Variants in RBFOX1 observed in about 807,000 individuals in gnomAD.
RBFOX1 encodes RNA binding fox-1 homolog 1, also known as RNA binding protein fox-1 homolog 1.
Under a neutral mutation model 57.7 loss-of-function variants are expected in RBFOX1, and 8 were observed. That is an observed-to-expected ratio of 0.14 (90% CI 0.08 to 0.25). RBFOX1 has a LOEUF of 0.25. Among genes scored for constraint, RBFOX1 ranks in the 10% least tolerant of loss-of-function variants. The probability of loss-of-function intolerance (pLI) is 1.00; values close to 1 mark genes in which losing one functional copy is unlikely to be tolerated. For synonymous variants in RBFOX1, 326 were observed against 222.4 expected (o/e 1.47, Z -4.15); for missense variants, 611 against 548.5 (o/e 1.11, Z -1.14).
chr16:6,434,000 A>G (rs994035646), intron 2 of RBFOX1, among the ~76,000 whole-genome samples: 1 of 151,550 alleles, frequency 6.6e-6, no homozygotes, highest in African/African-American at 2.4e-5. Context: ...GGCATGCACC[A>G]CCAAACCTGG....
chr16:7,586,885 G>A (rs1339194057), intron 6 of RBFOX1, among the ~76,000 whole-genome samples: 1 of 152,138 alleles, frequency 6.6e-6, no homozygotes, highest in East Asian at 1.9e-4. Context: ...TTTCATCAAG[G>A]GTGTTTCTCC....
intron 2 of RBFOX1, among the ~76,000 whole-genome samples, chr16:6,514,247 G>GCA (rs1199584955): frequency 6.6e-6 from 1 of 152,120 alleles, no homozygotes; most frequent in Non-Finnish European, 1.5e-5. Context: ...GCCATTTGTA[G>GCA]CACACACACG....
chr16:6,359,049 A>G lies in RBFOX1; in HGVS notation c.-64+41992A>G, dbSNP rs192766482. 3.4e-3 allele frequency among the ~76,000 whole-genome samples: 519 copies of G among 152,088 alleles called. 22 individuals are homozygous for G. The highest frequency in any genetic ancestry group is 7.9e-4 in the Non-Finnish European group (54 of 68,006). ...GGCTCTAAGGAATTAATCCCTAATA[A>G]CAAATGCTCAGCTTGTTGTTGAAAG... is the stretch of plus-strand genomic sequence containing the variant. On this transcript the variant is annotated intron_variant, in intron 2 of 15. Transcript: ENST00000550418.
intron 3 of RBFOX1, among the ~76,000 whole-genome samples, chr16:5,788,917 C>T (rs1597258408): frequency 6.6e-6 from 1 of 152,142 alleles, no homozygotes; most frequent in African/African-American, 2.4e-5. Flanking sequence ...TAAGGCTTTC[C>T]TGTGTCTCAG....
At chr16:6,341,008 G>A (rs566663816) in intron 2 of RBFOX1, among the ~76,000 whole-genome samples, 2 of 152,240 alleles carry the variant, frequency 1.3e-5, no homozygotes, top group East Asian at 3.9e-4. Flanking sequence ...CCACAGAGAT[G>A]GGCAGTGTCC....
At chr16:7,592,190 G>A (rs1470486378) in intron 7 of RBFOX1, among the ~76,000 whole-genome samples, 1 of 152,130 alleles carries the variant, frequency 6.6e-6, no homozygotes, top group African/African-American at 2.4e-5. Context: ...TAGCTGACAA[G>A]CAAAGAGAGA....
downstream of RBFOX1, among the ~76,000 whole-genome samples, chr16:5,600,728 G>C (rs2151207364): frequency 6.6e-6 from 1 of 152,076 alleles, no homozygotes; most frequent in South Asian, 2.1e-4. Context: ...CCTCATTAAT[G>C]GATCATCTGA....
intron 2 of RBFOX1, among the ~76,000 whole-genome samples, chr16:6,614,913 G>A (rs1305024413): frequency 2.6e-5 from 4 of 152,168 alleles, no homozygotes; most frequent in Non-Finnish European, 5.9e-5. Flanking sequence ...TCCGGGGTTA[G>A]GACTTCACCG....
intron 1 of RBFOX1, among the ~76,000 whole-genome samples, chr16:5,373,783 T>C (rs1192442118): frequency 6.6e-6 from 1 of 152,042 alleles, no homozygotes; most frequent in East Asian, 1.9e-4. Context: ...TTTGCACTTT[T>C]AATAGAGATG....
chr16:7,454,054 G>A (rs1211045757), intron 4 of RBFOX1, among the ~76,000 whole-genome samples: 1 of 152,180 alleles, frequency 6.6e-6, no homozygotes, highest in Non-Finnish European at 1.5e-5. Flanking sequence ...CCAACATGGT[G>A]AAACCCCGTC....
chr16:6,955,082 A>AG lies in RBFOX1; in HGVS notation c.-15-96975_-15-96974insG, dbSNP rs370548572. Among the ~76,000 whole-genome samples the AG allele has an allele frequency of 4.8e-3, 695 of 145,936 alleles. 5 individuals are homozygous for AG. Among genetic ancestry groups the AG allele is most frequent in the African/African-American group, 0.01 (409 of 39,202 alleles). The stretch of plus-strand genomic sequence containing the variant: ...CCCATCTCTACAAAAAAAAAAAAAC[A>AG]CACAAAAAATTAGCTGGGCATGGTG... On this transcript the variant is annotated intron_variant, in intron 3 of 15. Coordinates refer to ENST00000550418, the MANE Select transcript of RBFOX1 (RefSeq NM_018723.4).
intron 3 of RBFOX1, among the ~76,000 whole-genome samples, chr16:6,994,341 A>T (rs756766271): frequency 6.6e-6 from 1 of 152,192 alleles, no homozygotes; most frequent in Non-Finnish European, 1.5e-5. Context: ...GAGTCTAATG[A>T]TCTTAAAGTC....
At chr16:6,211,191 T>C (rs957427836) in intron 1 of RBFOX1, among the ~76,000 whole-genome samples, 12 of 94,646 alleles carry the variant, frequency 1.3e-4, no homozygotes, top group Non-Finnish European at 1.7e-4. Flanking sequence ...TCTTCTTCTT[T>C]TTTTTTTTTT....
chr16:7,551,056 C>T (rs1168014870), intron 5 of RBFOX1, among the ~76,000 whole-genome samples: 2 of 138,742 alleles, frequency 1.4e-5, no homozygotes, highest in East Asian at 2.2e-4. Context: ...ATTGTGCCAT[C>T]ACACTCCAGC....
At chr16:6,205,356 C>T (rs1003040437) in intron 1 of RBFOX1, among the ~76,000 whole-genome samples, 11 of 152,142 alleles carry the variant, frequency 7.2e-5, no homozygotes, top group African/African-American at 2.7e-4. Flanking sequence ...AGTTCTGCAT[C>T]AAAGCTGATA....
rs576710900 is a variant in RBFOX1, at chr16:5,566,600, A to G, written c.259-32302A>G. Reference sequence around the variant, plus strand: ...TATATATATGTATATATGTGTGTATATATGTGTATATATGTATATGTATGT... The same window carrying G: ...TATATATATGTATATATGTGTGTATGTATGTGTATATATGTATATGTATGT... On this transcript the variant is annotated intron_variant, in intron 2 of 2. Coordinates refer to the RBFOX1 transcript ENST00000585867. Among the ~76,000 whole-genome samples the G allele has an allele frequency of 1.2e-3, 187 of 151,334 alleles. 1 individual carries two copies. The highest frequency in any genetic ancestry group is 1.5e-3 in the Non-Finnish European group (104 of 67,880).
intron 3 of RBFOX1, among the ~76,000 whole-genome samples, chr16:6,846,697 C>T (rs2093773295): frequency 6.6e-6 from 1 of 152,122 alleles, no homozygotes; most frequent in African/African-American, 2.4e-5. Flanking sequence ...GTAACGTTCG[C>T]CAGTATCCGG....
At chr16:5,891,656 T>C (rs1288579683) in intron 4 of RBFOX1, among the ~76,000 whole-genome samples, 1 of 152,120 alleles carries the variant, frequency 6.6e-6, no homozygotes, top group Non-Finnish European at 1.5e-5. Context: ...CTCTGGGTCC[T>C]GGCCATGTGC....
At chr16:7,158,147 G>C (rs1393832833) in intron 4 of RBFOX1, among the ~76,000 whole-genome samples, 1 of 152,074 alleles carries the variant, frequency 6.6e-6, no homozygotes, top group Non-Finnish European at 1.5e-5. Flanking sequence ...AGGAGTTCGA[G>C]AACAGCCTGG....
Sources: allele counts gnomAD v4.1 joint callset (sites outside exome capture counted in the v4.1 genomes callset), GRCh38; gene constraint gnomAD v4.1.1; transcripts MANE v1.5; gene names NCBI Gene and HGNC (gene_info 2026-07-23, HGNC 2026-07-21).